Variants in FRA10AC1 observed in about 807,000 individuals in gnomAD.
FRA10AC1 encodes FRA10A associated CGG repeat 1, also known as protein FRA10AC1.
In FRA10AC1, 43 loss-of-function variants were observed where a neutral mutation model predicts 56.5. The observed-to-expected ratio is 0.76, with a 90% CI of 0.60 to 0.98. FRA10AC1 has a LOEUF of 0.98. FRA10AC1 is among the 50% of genes least tolerant of loss of function. FRA10AC1 has a pLI of 0.00. For synonymous variants in FRA10AC1, 112 were observed against 110.5 expected (o/e 1.01, Z -0.09); for missense variants, 346 against 351.8 (o/e 0.98, Z 0.13).
chr10:93,686,010 C>CA (rs2059020922), intron 8 of FRA10AC1, among the ~76,000 whole-genome samples: 1 of 151,302 alleles, frequency 6.6e-6, no homozygotes, highest in Non-Finnish European at 1.5e-5. Context: ...TTAAAACCTC[C>CA]AAAAAAAGAC....
At chr10:93,689,833 T>C (rs972063646) in intron 7 of FRA10AC1, among the ~76,000 whole-genome samples, 1 of 152,186 alleles carries the variant, frequency 6.6e-6, no homozygotes, top group Admixed American at 6.5e-5. Context: ...TGAGGTCACG[T>C]ACGCAAGCAG....
intron 7 of FRA10AC1, among the ~76,000 whole-genome samples, chr10:93,691,288 A>T (rs1307962015): frequency 6.6e-6 from 1 of 151,982 alleles, no homozygotes; most frequent in Non-Finnish European, 1.5e-5. Context: ...CAACCTTCTA[A>T]CCTCAGCCTC....
intron 4 of FRA10AC1, among the ~76,000 whole-genome samples, chr10:93,696,781 G>A (rs964799887): frequency 6.6e-6 from 1 of 152,188 alleles, no homozygotes; most frequent in East Asian, 1.9e-4. Context: ...ACCACAAAAA[G>A]GAATGAGATC....
In FRA10AC1 at chr10:93,682,125, T is replaced by A. The variant is rs111530712; in HGVS notation, c.669-527A>T. Among the ~76,000 whole-genome samples, 579 of 152,284 alleles carry A rather than the reference T, an allele frequency of 3.8e-3. 6 individuals carry two copies. Among genetic ancestry groups the A allele is most frequent in the African/African-American group, 0.014 (565 of 41,568 alleles). ...ATTCATATATCAACATCAGGCCACT[T>A]ATAATTTATACTCTTATTGTTGCAG... On this transcript the variant is annotated intron_variant, in intron 10 of 13. Transcript: ENST00000359204.
intron 12 of FRA10AC1, chr10:93,671,771 T>G: frequency 3.3e-6 from 1 of 304,162 alleles, no homozygotes; most frequent in South Asian, 3.0e-5. Flanking sequence ...ACATGTAATT[T>G]TATGTACGTA....
At chr10:93,702,790 C>A, upstream of FRA10AC1, among the ~76,000 whole-genome samples, 1 of 152,004 alleles carries the variant, frequency 6.6e-6, no homozygotes, top group East Asian at 1.9e-4. Flanking sequence ...TCTAGGGAAT[C>A]CGGCATCTAG....
At chr10:93,678,986 G>T (rs1344691196) in intron 11 of FRA10AC1, among the ~76,000 whole-genome samples, 1 of 152,158 alleles carries the variant, frequency 6.6e-6, no homozygotes, top group African/African-American at 2.4e-5. Context: ...CCAAATTAAG[G>T]TGGTCTGGCA....
At chr10:93,695,002 G>A in intron 4 of FRA10AC1, 65 bp from the exon 5 acceptor site, 1 of 820,096 alleles carries the variant, frequency 1.2e-6, no homozygotes, top group South Asian at 1.4e-5. Context: ...ATATATTGCT[G>A]ATTGGTGGTA....
intron 12 of FRA10AC1, chr10:93,673,479 A>G (rs1285566510): frequency 5.1e-6 from 2 of 391,186 alleles, no homozygotes; most frequent in East Asian, 1.4e-4. Flanking sequence ...AAAATTATAT[A>G]CAATTTTTCC....
Position 93,669,682 on chromosome 10 carries a change from TGA to T in FRA10AC1, c.*142_*143del. ...TGAACTTCCAAAGCCTCTGACATTC[TGA>T]GAGAACCTGGATTTTTATTTCCAAA... On this transcript the variant is annotated 3_prime_UTR_variant, in exon 14 of 14. Coordinates refer to ENST00000359204, the MANE Select transcript of FRA10AC1 (RefSeq NM_145246.5). 1 of 630,470 alleles carries T rather than the reference TGA, an allele frequency of 1.6e-6. No homozygotes were observed. The highest frequency in any genetic ancestry group is 2.8e-6 in the Non-Finnish European group (1 of 355,288). The allele number at this position is 630,470 out of a possible 1,614,324, so 39.1% of individuals were successfully genotyped here. A position where few individuals can be genotyped will look rare whatever the true frequency, so the allele number is the denominator to read the frequency against.
chr10:93,694,713 TAAAAAAAAAAAAAAAA>T (rs10554752), intron 5 of FRA10AC1, 132 bp downstream of exon 5: 11 of 238,114 alleles, frequency 4.6e-5, no homozygotes, highest in Middle Eastern at 1.1e-3. Context: ...GACTCCATCT[TAAAAAAAAAAAAAAAA>T]AAAAAAAAAA....
intron 12 of FRA10AC1, chr10:93,673,843 T>C (rs147397518): frequency 2.1e-4 from 90 of 424,966 alleles, no homozygotes; most frequent in Middle Eastern, 4.1e-4. Context: ...AAGTGAAACA[T>C]AGATCAAATC....
In FRA10AC1 at chr10:93,681,597, T is replaced by G. The variant is rs1362933160; in HGVS notation, c.670A>C (p.Arg224=). The part of the protein sequence containing the change: ...CSIKLNFHHR[R]KEIKSKKRKD... ...CTTTTTTTTGACTTGATTTCTTTTC[T>G]CCTTTGTGTTAAACAATATAAAATT... Residue 224 remains arginine (R), a splice_region_variant and synonymous_variant, in exon 11 of 14, where the codon AGA becomes CGA. Coordinates refer to ENST00000359204, the MANE Select transcript of FRA10AC1 (RefSeq NM_145246.5). The G allele has an allele frequency of 2.6e-6, 4 of 1,515,020 alleles. No individual in the cohort carries two copies. The highest frequency in any genetic ancestry group is 3.5e-6 in the Non-Finnish European group (4 of 1,128,030). The allele number at this position is 1,515,020 out of a possible 1,614,324, so 93.8% of individuals were successfully genotyped here.
chr10:93,685,822 T>G (rs2059017616), intron 8 of FRA10AC1, among the ~76,000 whole-genome samples: 1 of 151,956 alleles, frequency 6.6e-6, no homozygotes, highest in Non-Finnish European at 1.5e-5. Flanking sequence ...GTTAATAGTT[T>G]TAAGTATTAG....
In FRA10AC1 at chr10:93,692,088, T is replaced by G; in HGVS notation, c.386A>C (p.Lys129Thr). The G allele has an allele frequency of 6.5e-7, 1 of 1,542,660 alleles. No homozygotes were observed. The highest frequency in any genetic ancestry group is 8.7e-7 in the Non-Finnish European group (1 of 1,151,528). ...EEDEMDMTWE[K>T]RLAKKYYDKL... is the part of the protein sequence containing the mutation. ...ATCATAGTATTTCTTAGCAAGTCTC[T>G]TCTCCCTAGACCCATGAAAATATAA... The change falls in exon 7 of 14, where the codon AAG becomes ACG. Residue 129 changes from lysine to threonine, a missense_variant. Physicochemically the swap from Lys to Thr is moderately conservative, Grantham distance 78. Coordinates refer to ENST00000359204, the MANE Select transcript of FRA10AC1 (RefSeq NM_145246.5).
Position 93,676,702 on chromosome 10 carries a change from A to C in FRA10AC1, c.788-11T>G. ...TTGAAGATGAATGTCCTGAAAAGGA[A>C]ACATCATTGATTTATTAACTATCAT... On this transcript the variant is annotated splice_polypyrimidine_tract_variant and intron_variant, in intron 11 of 13. Coordinates refer to ENST00000359204, the MANE Select transcript of FRA10AC1 (RefSeq NM_145246.5). 1 of 1,567,128 alleles carries C rather than the reference A, an allele frequency of 6.4e-7. No homozygotes were observed. Among genetic ancestry groups the C allele is most frequent in the African/African-American group, 1.4e-5 (1 of 72,776 alleles).
chr10:93,683,753 T>A (rs2058975428), intron 10 of FRA10AC1, among the ~76,000 whole-genome samples: 1 of 152,238 alleles, frequency 6.6e-6, no homozygotes, highest in African/African-American at 2.4e-5. Context: ...AACTGCTTTA[T>A]GAAGTCTGCT....
intron 7 of FRA10AC1, among the ~76,000 whole-genome samples, chr10:93,688,970 G>T (rs1024070577): frequency 9.9e-5 from 15 of 151,812 alleles, no homozygotes; most frequent in African/African-American, 3.6e-4. Flanking sequence ...AATGGAAATA[G>T]TAACAACCTT....
Position 93,680,915 on chromosome 10 carries a change from T to A in FRA10AC1, c.787+565A>T, listed in dbSNP as rs2058923338. ...AAAAGCAGGCAGTTCTAAGTATAGG[T>A]GCACAGCACCATGCTAGGCTCTGAG... On this transcript the variant is annotated intron_variant, in intron 11 of 13. Transcript: ENST00000359204. Among the ~76,000 whole-genome samples the A allele has an allele frequency of 2.0e-5, 3 of 152,214 alleles. No individual in the cohort carries two copies. In the South Asian group the frequency reaches 6.2e-4, roughly 31 times the overall value.
Sources: allele counts gnomAD v4.1 joint callset (sites outside exome capture counted in the v4.1 genomes callset), GRCh38; gene constraint gnomAD v4.1.1; transcripts MANE v1.5; gene names NCBI Gene and HGNC (gene_info 2026-07-23, HGNC 2026-07-21).